Variants in RBFOX1 observed in about 807,000 individuals in gnomAD.
The protein encoded by RBFOX1 is RNA binding fox-1 homolog 1.
In RBFOX1, 8 loss-of-function variants were observed where a neutral mutation model predicts 57.7. The observed-to-expected ratio is 0.14, with a 90% CI of 0.08 to 0.25. The LOEUF (loss-of-function observed/expected upper bound fraction) is 0.25. Among genes scored for constraint, RBFOX1 ranks in the 10% least tolerant of loss-of-function variants. The pLI is 1.00. For synonymous variants in RBFOX1, 326 were observed against 222.4 expected (o/e 1.47, Z -4.15); for missense variants, 611 against 548.5 (o/e 1.11, Z -1.14).
chr16:6,956,436 A>G (rs1033779720), intron 3 of RBFOX1, among the ~76,000 whole-genome samples: 7 of 152,188 alleles, frequency 4.6e-5, no homozygotes, highest in African/African-American at 1.7e-4. Flanking sequence ...GAATTTGTCA[A>G]GAGTAAGCTA....
intron 2 of RBFOX1, among the ~76,000 whole-genome samples, chr16:6,627,008 C>A (rs1038161684): frequency 1.3e-5 from 2 of 152,210 alleles, no homozygotes; most frequent in African/African-American, 4.8e-5. Context: ...GCACAGAAGG[C>A]TGGGCTATGT....
chr16:5,406,296 G>T (rs1425339635), intron 1 of RBFOX1, among the ~76,000 whole-genome samples: 1 of 152,122 alleles, frequency 6.6e-6, no homozygotes, highest in Non-Finnish European at 1.5e-5. Flanking sequence ...CTCTACCCCA[G>T]TGTGGGTGAG....
At chr16:6,478,427 ATATTTTT>A (rs1374533072) in intron 2 of RBFOX1, among the ~76,000 whole-genome samples, 6 of 12,716 alleles carry the variant, frequency 4.7e-4, no homozygotes, top group African/African-American at 1.7e-3. Context: ...ATATATATAT[ATATTTTT>A]TTTTTTTTTT....
intron 4 of RBFOX1, among the ~76,000 whole-genome samples, chr16:7,246,429 T>C (rs7498356): frequency 0.65 from 98,003 of 151,580 alleles, 33,461 homozygotes; most frequent in African/African-American, 0.88. Flanking sequence ...ATTTTTTTAG[T>C]GGCCTCCTGT....
intron 3 of RBFOX1, among the ~76,000 whole-genome samples, chr16:6,722,397 G>A (rs1006772218): frequency 6.6e-6 from 1 of 152,152 alleles, no homozygotes; most frequent in African/African-American, 2.4e-5. Context: ...TCTTGGTCAT[G>A]TCCTTAGGAA....
chr16:5,308,878 G>A (rs1596474830), intron 1 of RBFOX1, among the ~76,000 whole-genome samples: 1 of 152,058 alleles, frequency 6.6e-6, no homozygotes, highest in South Asian at 2.1e-4. Context: ...GTTGTCCTGA[G>A]ACCTCCCTGC....
chr16:5,817,331 C>T (rs904094943), intron 3 of RBFOX1, among the ~76,000 whole-genome samples: 1 of 152,196 alleles, frequency 6.6e-6, no homozygotes, highest in African/African-American at 2.4e-5. Context: ...TTAAAGCGAG[C>T]TTGCTGACAA....
chr16:5,404,988 A>T (rs1245881184), intron 1 of RBFOX1, among the ~76,000 whole-genome samples: 2 of 152,232 alleles, frequency 1.3e-5, no homozygotes, highest in African/African-American at 2.4e-5. Flanking sequence ...TCTACATGCC[A>T]TGGACTATTT....
At chr16:7,441,101 A>G (rs1417617091) in intron 4 of RBFOX1, among the ~76,000 whole-genome samples, 2 of 152,178 alleles carry the variant, frequency 1.3e-5, no homozygotes, top group African/African-American at 4.8e-5. Flanking sequence ...TTAAAGAGAA[A>G]TGGAACAAGT....
At chr16:5,483,742 G>T (rs151151958) in intron 2 of RBFOX1, among the ~76,000 whole-genome samples, 1 of 152,188 alleles carries the variant, frequency 6.6e-6, no homozygotes, top group African/African-American at 2.4e-5. Flanking sequence ...ATCTATTGCT[G>T]TGTAACAAAT....
intron 2 of RBFOX1, among the ~76,000 whole-genome samples, chr16:6,629,597 C>G (rs990586593): frequency 6.6e-6 from 1 of 152,126 alleles, no homozygotes; most frequent in African/African-American, 2.4e-5. Context: ...GGGTGGGTGT[C>G]TGGCTGCAAG....
intron 1 of RBFOX1, among the ~76,000 whole-genome samples, chr16:6,256,301 A>ATGTG (rs796207710): frequency 8.1e-5 from 11 of 135,072 alleles, no homozygotes; most frequent in African/African-American, 3.2e-4. Flanking sequence ...ATATATATGT[A>ATGTG]TATATATATA....
chr16:7,506,629 T>C (rs2073405076), intron 4 of RBFOX1, among the ~76,000 whole-genome samples: 1 of 152,208 alleles, frequency 6.6e-6, no homozygotes, highest in Non-Finnish European at 1.5e-5. Context: ...TCTTTGCTTT[T>C]ATCTTCTTAT....
chr16:6,246,698 T>A (rs755716904), intron 1 of RBFOX1, among the ~76,000 whole-genome samples: 1 of 152,214 alleles, frequency 6.6e-6, no homozygotes, highest in Non-Finnish European at 1.5e-5. Context: ...GACTTTGTGT[T>A]AGTATAACTG....
At chr16:6,438,626 C>T (rs1391799902) in intron 2 of RBFOX1, among the ~76,000 whole-genome samples, 2 of 152,138 alleles carry the variant, frequency 1.3e-5, no homozygotes, top group African/African-American at 4.8e-5. Flanking sequence ...CTAGCTATAA[C>T]TTATTTGAAC....
Position 6,449,052 on chromosome 16 carries a change from A to G in RBFOX1, c.-64+131995A>G, listed in dbSNP as rs149180988. 1.8e-4 allele frequency among the ~76,000 whole-genome samples: 28 copies of G among 152,324 alleles called. No homozygotes were observed. In the East Asian group the frequency reaches 5.0e-3, roughly 27 times the overall value. On this transcript the variant is annotated intron_variant, in intron 2 of 15. Coordinates refer to ENST00000550418, the MANE Select transcript of RBFOX1 (RefSeq NM_018723.4). ...TTAGGACAGAAAGACATAAAGTCCT[A>G]TATTTCTGCCATTGTAAGTATATGT... is the stretch of plus-strand genomic sequence containing the variant.
At chr16:7,326,792 T>A (rs1420426641) in intron 4 of RBFOX1, among the ~76,000 whole-genome samples, 1 of 152,062 alleles carries the variant, frequency 6.6e-6, no homozygotes, top group Non-Finnish European at 1.5e-5. Context: ...ACGCAGGCTT[T>A]TCCTACTGTT....
intron 2 of RBFOX1, among the ~76,000 whole-genome samples, chr16:6,329,616 A>G (rs2082766874): frequency 6.6e-6 from 1 of 152,108 alleles, no homozygotes; most frequent in South Asian, 2.1e-4. Context: ...TCTGGGTTAT[A>G]TTTACAACTC....
chr16:7,180,396 C>G (rs969572933), intron 4 of RBFOX1, among the ~76,000 whole-genome samples: 1 of 152,136 alleles, frequency 6.6e-6, no homozygotes, highest in African/African-American at 2.4e-5. Flanking sequence ...AAGTCTGACT[C>G]CTAATCATGG....
Sources: gnomAD v4.1 joint callset for allele counts (sites outside exome capture counted in the v4.1 genomes callset) on GRCh38, gnomAD v4.1.1 for gene constraint, MANE v1.5 for transcripts, NCBI Gene and HGNC (gene_info 2026-07-23, HGNC 2026-07-21) for gene names.